Variants in PCDHAC1 observed in about 807,000 individuals in gnomAD.
The protein encoded by PCDHAC1 is protocadherin alpha-C1.
A neutral mutation model predicts 60.0 loss-of-function variants in PCDHAC1; 42 were observed. The ratio of observed to expected loss-of-function variants is 0.70; its 90% CI spans 0.55 to 0.90. The LOEUF is 0.90. Ranked by LOEUF, PCDHAC1 falls within the 40% of genes least tolerant of loss-of-function variation. The pLI, the probability that PCDHAC1 is intolerant of heterozygous loss-of-function variation, is 0.00. For synonymous variants in PCDHAC1, 468 were observed against 499.3 expected (o/e 0.94, Z 0.84); for missense variants, 1,160 against 1,222.3 (o/e 0.95, Z 0.76).
At chr5:140,943,600 A>G (rs996134923) in intron 1 of PCDHAC1, among the ~76,000 whole-genome samples, 1 of 152,198 alleles carries the variant, frequency 6.6e-6, no homozygotes, top group African/African-American at 2.4e-5. Context: ...AATTCTAAAT[A>G]TAGACTTTGA....
chr5:141,007,349 G>C (rs532404832), intron 3 of PCDHAC1, among the ~76,000 whole-genome samples: 204 of 144,744 alleles, frequency 1.4e-3, no homozygotes, highest in Middle Eastern at 0.011. Flanking sequence ...TCAGGAGTTC[G>C]AGACCAGCCT....
chr5:140,938,014 T>C (rs1554211943), intron 1 of PCDHAC1, among the ~76,000 whole-genome samples: 6 of 152,220 alleles, frequency 3.9e-5, no homozygotes. Context: ...TCTTGCTAAA[T>C]AGTAAAATCT....
chr5:140,998,158 T>C (rs1306702034), intron 3 of PCDHAC1, among the ~76,000 whole-genome samples: 1 of 152,232 alleles, frequency 6.6e-6, no homozygotes, highest in Non-Finnish European at 1.5e-5. Context: ...AGTTAAGCCA[T>C]GTGCCAAGTA....
chr5:140,933,423 A>G (rs2089141997), intron 1 of PCDHAC1, among the ~76,000 whole-genome samples: 1 of 152,144 alleles, frequency 6.6e-6, no homozygotes, highest in Non-Finnish European at 1.5e-5. Flanking sequence ...TTCTGTGTTC[A>G]TAGGGGCACT....
intron 1 of PCDHAC1, among the ~76,000 whole-genome samples, chr5:140,972,660 ATT>A (rs11350929): frequency 0.036 from 4,256 of 117,216 alleles, 192 homozygotes; most frequent in African/African-American, 0.13. Context: ...AAGAAACCAA[ATT>A]TTTTTTTTTT....
At chr5:141,003,668 A>G (rs1353003376) in intron 3 of PCDHAC1, among the ~76,000 whole-genome samples, 1 of 152,196 alleles carries the variant, frequency 6.6e-6, no homozygotes, top group Non-Finnish European at 1.5e-5. Context: ...ATTAAAATAT[A>G]TGTTGTTCTG....
chr5:140,966,259 G>A (rs1358322921), intron 1 of PCDHAC1: 1 of 340,612 alleles, frequency 2.9e-6, no homozygotes, highest in Non-Finnish European at 5.3e-6. Context: ...AGACGGTGGA[G>A]ACTGGATGAA....
chr5:140,978,575 G>A (rs2096810585), intron 1 of PCDHAC1, among the ~76,000 whole-genome samples: 1 of 152,202 alleles, frequency 6.6e-6, no homozygotes, highest in African/African-American at 2.4e-5. Flanking sequence ...ATACTGAATT[G>A]GGAATGTTCC....
rs1404110882 is a variant in PCDHAC1 at position 140,968,973 on chromosome 5, C to A, written c.2434-9976C>A. On this transcript the variant is annotated intron_variant, in intron 1 of 3. Transcript: ENST00000253807. ...ATCATCAAGTGCTACCGCTACACTG[C>A]GTATGGCACTGCATGCTGTGGAGGC... is the stretch of plus-strand genomic sequence containing the variant. The A allele has an allele frequency of 6.2e-7, 1 of 1,614,194 alleles. No homozygotes were observed. The highest frequency in any genetic ancestry group is 1.3e-5 in the African/African-American group (1 of 75,044).
intron 1 of PCDHAC1, chr5:140,966,135 T>A (rs1456572936): frequency 1.2e-5 from 2 of 162,166 alleles, no homozygotes; most frequent in African/African-American, 4.8e-5. Context: ...CCCCTCAGTT[T>A]ATTTTCCTGA....
At position 140,995,103 on chromosome 5, in the gene PCDHAC1, C is replaced by T. The variant is rs535399594; in HGVS notation, c.2581+12540C>T. Reference sequence around the variant, plus strand: ...CAAACTTATCTGTGGAGATACATTCCAAGACCCTCAGTGGATGCCTGAAAC... The same window carrying T: ...CAAACTTATCTGTGGAGATACATTCTAAGACCCTCAGTGGATGCCTGAAAC... On this transcript the variant is annotated intron_variant, in intron 3 of 3. Coordinates refer to ENST00000253807, the MANE Select transcript of PCDHAC1 (RefSeq NM_018898.5). 1.1e-4 allele frequency among the ~76,000 whole-genome samples: 16 copies of T among 152,290 alleles called. No individual in the cohort carries two copies. In the South Asian group the frequency reaches 2.9e-3, roughly 28 times the overall value.
At chr5:140,979,243 C>T (rs1554240401) in intron 2 of PCDHAC1, among the ~76,000 whole-genome samples, 1 of 152,178 alleles carries the variant, frequency 6.6e-6, no homozygotes, top group Non-Finnish European at 1.5e-5. Context: ...CAGAAACAGG[C>T]TGCTATGTAT....
At chr5:140,977,925 A>G (rs782072280) in intron 1 of PCDHAC1, among the ~76,000 whole-genome samples, 8 of 152,152 alleles carry the variant, frequency 5.3e-5, no homozygotes, top group Non-Finnish European at 1.0e-4. Flanking sequence ...TTTTCATTCA[A>G]CTATACCTCA....
At position 140,928,068 on chromosome 5, in the gene PCDHAC1, CA is replaced by C; in HGVS notation, c.1178del (p.Asn393ThrfsTer6). 1 of 1,614,214 alleles carries C rather than the reference CA, an allele frequency of 6.2e-7. No homozygotes were observed. The highest frequency in any genetic ancestry group is 1.1e-5 in the South Asian group (1 of 91,078). ...GPFQLTASFD[N>X]YYSLLIDGPL... ...CTTTTCAGCTGACGGCTTCCTTTGA[CA>C]ACTACTACAGCCTGCTGATTGATGG... On this transcript the variant is annotated frameshift_variant, in exon 1 of 4. Coordinates refer to ENST00000253807, the MANE Select transcript of PCDHAC1 (RefSeq NM_018898.5). LOFTEE classifies it high-confidence loss of function.
chr5:141,010,923 A>T lies in PCDHAC1; in HGVS notation c.*986A>T, dbSNP rs184389417. The T allele has an allele frequency of 4.0e-3, 619 of 153,912 alleles. 3 individuals are homozygous for T. Among genetic ancestry groups the T allele is most frequent in the Admixed American group, 6.2e-3 (95 of 15,302 alleles). The allele number at this position is 153,912 out of a possible 1,614,324, so 9.5% of individuals were successfully genotyped here. A position where few individuals can be genotyped will look rare whatever the true frequency, so the allele number is the denominator to read the frequency against. ...TCCCCTAAACTCTCCTCAAAAGAGA[A>T]TTCAGTCTACAGCCATTTAAATGAT... On this transcript the variant is annotated 3_prime_UTR_variant, in exon 4 of 4. Coordinates refer to ENST00000253807, the MANE Select transcript of PCDHAC1 (RefSeq NM_018898.5).
chr5:140,977,640 G>A (rs2096769670), intron 1 of PCDHAC1, among the ~76,000 whole-genome samples: 1 of 152,124 alleles, frequency 6.6e-6, no homozygotes, highest in South Asian at 2.1e-4. Flanking sequence ...CTTTTTCTGG[G>A]CCTTGACTTT....
chr5:140,966,702 G>T, intron 1 of PCDHAC1: 1 of 1,367,880 alleles, frequency 7.3e-7, no homozygotes. Flanking sequence ...GCCCGGGCGT[G>T]GGGCACGGCT....
rs1554206469 is a variant in PCDHAC1, at chr5:140,928,893, T to C, written c.2001T>C (p.Phe667=). 6.2e-7 allele frequency: 1 copy of C among 1,614,052 alleles called. No individual in the cohort carries two copies. The highest frequency in any genetic ancestry group is 1.3e-5 in the African/African-American group (1 of 74,944). ...SNSVPQLLPD[F]EDVWEPGGQL... Reference sequence around the variant, plus strand: ...CTGTCCCTCAGTTACTTCCAGACTTTGAAGATGTCTGGGAACCAGGAGGGC... The same window carrying C: ...CTGTCCCTCAGTTACTTCCAGACTTCGAAGATGTCTGGGAACCAGGAGGGC... Residue 667 remains phenylalanine, a synonymous_variant, in exon 1 of 4, where the codon TTT becomes TTC. Coordinates refer to ENST00000253807, the MANE Select transcript of PCDHAC1 (RefSeq NM_018898.5).
chr5:140,927,429 C>T lies in PCDHAC1; in HGVS notation c.537C>T (p.Gly179=). The T allele has an allele frequency of 6.2e-7, 1 of 1,614,118 alleles. No individual in the cohort carries two copies. Among genetic ancestry groups the T allele is most frequent in the Non-Finnish European group, 8.5e-7 (1 of 1,179,978 alleles). The change falls in exon 1 of 4, where the codon GGC becomes GGT. Residue 179 remains glycine (G), a synonymous_variant. Coordinates refer to ENST00000253807, the MANE Select transcript of PCDHAC1 (RefSeq NM_018898.5). ...TGGACATGGGATCGCGGGTTGACGG[C>T]AGCGAATACCCGGAGTTGGTGTTGG... ...FRLDMGSRVD[G]SEYPELVLEK...
Sources: gnomAD v4.1 joint callset for allele counts (sites outside exome capture counted in the v4.1 genomes callset) on GRCh38, gnomAD v4.1.1 for gene constraint, MANE v1.5 for transcripts, NCBI Gene and HGNC (gene_info 2026-07-23, HGNC 2026-07-21) for gene names.